The following CLSTN2 variants were observed in gnomAD, a reference collection of about 807,000 sequenced individuals.
CLSTN2 encodes calsyntenin-2.
A neutral mutation model predicts 101.2 loss-of-function variants in CLSTN2; 48 were observed. The ratio of observed to expected loss-of-function variants is 0.47; its 90% CI spans 0.38 to 0.60. The LOEUF is 0.60. Ranked by LOEUF, CLSTN2 falls within the 20% of genes least tolerant of loss-of-function variation. The pLI is 0.00. For missense variants in CLSTN2, 1,160 were observed against 1,238.2 expected (o/e 0.94, Z 0.95); for synonymous variants, 481 against 463.6 (o/e 1.04, Z -0.48).
At chr3:140,190,534 G>C (rs189572012) in intron 2 of CLSTN2, among the ~76,000 whole-genome samples, 1 of 150,048 alleles carries the variant, frequency 6.7e-6, no homozygotes, top group Non-Finnish European at 1.5e-5. Context: ...ATCTTACCTC[G>C]TTGTGTCTTC....
At chr3:139,994,794 G>A (rs760416467) in intron 1 of CLSTN2, among the ~76,000 whole-genome samples, 1 of 152,164 alleles carries the variant, frequency 6.6e-6, no homozygotes, top group Non-Finnish European at 1.5e-5. Flanking sequence ...AATATACTAT[G>A]CCTCATATAC....
chr3:140,177,792 A>C (rs2010347427), intron 2 of CLSTN2, among the ~76,000 whole-genome samples: 1 of 152,202 alleles, frequency 6.6e-6, no homozygotes, highest in African/African-American at 2.4e-5. Context: ...GCAAAAAATA[A>C]ATAGAAACAA....
At chr3:140,460,116 C>A (rs540000360) in intron 7 of CLSTN2, 2 of 263,500 alleles carry the variant, frequency 7.6e-6, no homozygotes, top group Non-Finnish European at 1.5e-5. Flanking sequence ...AATCTTTATT[C>A]CTACTTCAAA....
intron 1 of CLSTN2, among the ~76,000 whole-genome samples, chr3:139,991,321 C>T (rs1279007286): frequency 6.6e-6 from 1 of 152,104 alleles, no homozygotes; most frequent in Non-Finnish European, 1.5e-5. Flanking sequence ...ATATAAAATG[C>T]TAATTGGATA....
At chr3:140,557,568 G>A (rs1390959958) in intron 11 of CLSTN2, among the ~76,000 whole-genome samples, 2 of 152,186 alleles carry the variant, frequency 1.3e-5, no homozygotes, top group Non-Finnish European at 2.9e-5. Flanking sequence ...GAGTGCTGTG[G>A]GGTTGGCCTG....
intron 2 of CLSTN2, among the ~76,000 whole-genome samples, chr3:140,260,164 TA>T (rs2086639366): frequency 6.7e-6 from 1 of 148,664 alleles, no homozygotes; most frequent in African/African-American, 2.4e-5. Context: ...ATATTATATA[TA>T]AAATACTGTA....
At chr3:140,307,467 C>T (rs1014397914) in intron 2 of CLSTN2, among the ~76,000 whole-genome samples, 1 of 152,122 alleles carries the variant, frequency 6.6e-6, no homozygotes, top group Admixed American at 6.5e-5. Context: ...CCTCATTCTA[C>T]ACAAACAAAA....
intron 2 of CLSTN2, among the ~76,000 whole-genome samples, chr3:140,208,766 A>T (rs1033788347): frequency 6.6e-6 from 1 of 151,574 alleles, no homozygotes; most frequent in Non-Finnish European, 1.5e-5. Context: ...TTTTCTTGTT[A>T]TTTGTTGTTT....
At chr3:140,548,448 A>T (rs1205190743) in intron 10 of CLSTN2, among the ~76,000 whole-genome samples, 2 of 152,238 alleles carry the variant, frequency 1.3e-5, no homozygotes, top group Non-Finnish European at 2.9e-5. Flanking sequence ...AGTGATGAGT[A>T]GATTCAGTCC....
intron 2 of CLSTN2, among the ~76,000 whole-genome samples, chr3:140,351,355 C>T (rs1227000717): frequency 6.6e-6 from 1 of 152,156 alleles, no homozygotes; most frequent in Non-Finnish European, 1.5e-5. Context: ...AGATACAAAG[C>T]TGGTTCATTC....
At chr3:139,971,501 G>T (rs1935702641) in intron 1 of CLSTN2, among the ~76,000 whole-genome samples, 1 of 152,234 alleles carries the variant, frequency 6.6e-6, no homozygotes, top group Non-Finnish European at 1.5e-5. Context: ...CAAGGGAAAA[G>T]CTGTAGAATG....
chr3:140,375,418 G>A (rs2087905753), intron 2 of CLSTN2, among the ~76,000 whole-genome samples: 1 of 152,210 alleles, frequency 6.6e-6, no homozygotes. Context: ...TGACATGCCT[G>A]GGAAGGCCAT....
chr3:140,447,784 A>C (rs905639837), intron 5 of CLSTN2, among the ~76,000 whole-genome samples: 1 of 152,230 alleles, frequency 6.6e-6, no homozygotes, highest in African/African-American at 2.4e-5. Context: ...ACAACACTCA[A>C]AAATGTCATC....
Position 140,448,723 on chromosome 3 carries a change from G to A in CLSTN2, c.973+19G>A. 1 of 1,590,160 alleles carries A rather than the reference G, an allele frequency of 6.3e-7. No individual in the cohort carries two copies. Among genetic ancestry groups the A allele is most frequent in the Non-Finnish European group, 8.6e-7 (1 of 1,162,540 alleles). On this transcript the variant is annotated intron_variant, in intron 6 of 16. Transcript: ENST00000458420. Reference sequence around the variant, plus strand: ...TTATGTGGTAGGTTTTTCCCTTTTGGGATTTTAAAAATCAATTGCTTTTAA... The same window carrying A: ...TTATGTGGTAGGTTTTTCCCTTTTGAGATTTTAAAAATCAATTGCTTTTAA...
chr3:140,107,891 A>G (rs1284089562), intron 1 of CLSTN2, among the ~76,000 whole-genome samples: 1 of 152,022 alleles, frequency 6.6e-6, no homozygotes, highest in Non-Finnish European at 1.5e-5. Flanking sequence ...TCTCAGTTTG[A>G]TAGCTAAGAA....
At chr3:139,962,507 C>G (rs1366667420) in intron 1 of CLSTN2, among the ~76,000 whole-genome samples, 2 of 152,050 alleles carry the variant, frequency 1.3e-5, no homozygotes, top group Admixed American at 6.6e-5. Flanking sequence ...ATAAGTTTCC[C>G]AGAATTTTAT....
intron 1 of CLSTN2, among the ~76,000 whole-genome samples, chr3:140,158,850 A>C (rs2010000785): frequency 6.6e-6 from 1 of 152,186 alleles, no homozygotes; most frequent in Non-Finnish European, 1.5e-5. Flanking sequence ...AATGGAACAG[A>C]ATCAAGAACC....
chr3:140,409,461 C>G (rs1470438636), intron 4 of CLSTN2, among the ~76,000 whole-genome samples: 1 of 152,216 alleles, frequency 6.6e-6, no homozygotes, highest in Non-Finnish European at 1.5e-5. Context: ...TCTCCAAAAC[C>G]TGGAGCCACC....
At chr3:140,134,969 T>C (rs1271175655) in intron 1 of CLSTN2, among the ~76,000 whole-genome samples, 2 of 151,500 alleles carry the variant, frequency 1.3e-5, no homozygotes, top group African/African-American at 4.9e-5. Context: ...GCACATGGAA[T>C]TCCTTGCCCC....
Sources: gnomAD v4.1 joint callset for allele counts (sites outside exome capture counted in the v4.1 genomes callset) on GRCh38, gnomAD v4.1.1 for gene constraint, MANE v1.5 for transcripts, NCBI Gene and HGNC (gene_info 2026-07-23, HGNC 2026-07-21) for gene names.